ARAP2: variants seen among roughly 807,000 people sequenced by gnomAD.
ARAP2 encodes the protein ArfGAP with RhoGAP domain, ankyrin repeat and PH domain 2, also known as arf-GAP with Rho-GAP domain, ANK repeat and PH domain-containing protein 2.
ARAP2 carries 148 observed loss-of-function variants against 194.5 expected under a neutral mutation model. The ratio of observed to expected loss-of-function variants is 0.76; its 90% CI spans 0.67 to 0.87. The LOEUF (loss-of-function observed/expected upper bound fraction) is 0.87, where lower values mean the gene tolerates loss of function less well. ARAP2 is among the 40% of genes least tolerant of loss of function. ARAP2 has a pLI of 0.00. For synonymous variants in ARAP2, 695 were observed against 683.5 expected (o/e 1.02, Z -0.26); for missense variants, 2,128 against 1,989.7 (o/e 1.07, Z -1.32).
intron 6 of ARAP2, among the ~76,000 whole-genome samples, chr4:36,209,857 AG>A (rs1158482602): frequency 1.3e-5 from 2 of 152,208 alleles, no homozygotes; most frequent in Non-Finnish European, 2.9e-5. Context: ...ATAAATCCAA[AG>A]AAAAGTATAA....
chr4:36,239,779 C>T (rs1310496115), intron 1 of ARAP2, among the ~76,000 whole-genome samples: 1 of 151,972 alleles, frequency 6.6e-6, no homozygotes, highest in Non-Finnish European at 1.5e-5. Flanking sequence ...TTATTTTTAC[C>T]CAGTAAAAAA....
chr4:36,012,682 G>T (rs148781623), exon 9 of ARAP2: 1 of 152,178 alleles, frequency 6.6e-6, no homozygotes, highest in African/African-American at 2.4e-5. Flanking sequence ...CATTTCCAAA[G>T]GGCATACTTC....
In ARAP2 at chr4:36,228,666, A is replaced by C; in HGVS notation, c.821T>G (p.Leu274Trp). 6.2e-7 allele frequency: 1 copy of C among 1,614,054 alleles called. No homozygotes were observed. The highest frequency in any genetic ancestry group is 8.5e-7 in the Non-Finnish European group (1 of 1,179,958). Residue 274 changes from leucine to tryptophan, a missense_variant, in exon 2 of 33, where the codon TTG becomes TGG. By Grantham distance (61) the Leu-to-Trp change is moderately conservative. Transcript: ENST00000303965. ...AAAAGATCGAGATGGTCTTGAAACCAACTTGCTACGACTTCTCACAGGTGC... is the reference window on the plus strand; with the variant it reads ...AAAAGATCGAGATGGTCTTGAAACCCACTTGCTACGACTTCTCACAGGTGC... ...ILAPVRSRSKLVSRPSRSFLL... is the reference protein window; with the variant it reads ...ILAPVRSRSKWVSRPSRSFLL...
At position 36,095,700 on chromosome 4, in the gene ARAP2, TTGTATTTGTTTTTTATCA is replaced by T. The variant is rs900456414; in HGVS notation, c.4286-3698_4286-3681del. Among the ~76,000 whole-genome samples the T allele has an allele frequency of 9.1e-3, 1,380 of 152,266 alleles. 15 individuals carry two copies. Among genetic ancestry groups the T allele is most frequent in the African/African-American group, 0.031 (1,300 of 41,544 alleles). On this transcript the variant is annotated intron_variant, in intron 27 of 32. Transcript: ENST00000303965. Reference sequence around the variant, plus strand: ...AAAACATTTTGTGAGAACATCAAATTTGTATTTGTTTTTTATCATGCACAAATTTGTCAGTATATCTCC... The same window carrying T: ...AAAACATTTTGTGAGAACATCAAATTTGCACAAATTTGTCAGTATATCTCC...
intron 6 of ARAP2, among the ~76,000 whole-genome samples, chr4:36,206,569 C>G (rs544871535): frequency 6.6e-6 from 1 of 152,248 alleles, no homozygotes; most frequent in Admixed American, 6.5e-5. Context: ...CTGCTACCCT[C>G]TCCTTCCAGG....
intron 5 of ARAP2, among the ~76,000 whole-genome samples, chr4:36,045,149 A>G (rs969409824): frequency 2.0e-5 from 3 of 152,156 alleles, no homozygotes; most frequent in African/African-American, 7.2e-5. Flanking sequence ...TTAAAAAACT[A>G]TAAACAAAAC....
intron 8 of ARAP2, among the ~76,000 whole-genome samples, chr4:36,183,896 G>T (rs184366583): frequency 5.0e-4 from 76 of 152,248 alleles, no homozygotes; most frequent in African/African-American, 1.7e-3. Flanking sequence ...GGTCAGGGAA[G>T]ACAAAGAATA....
chr4:36,189,326 T>G (rs1329578111), intron 7 of ARAP2, among the ~76,000 whole-genome samples: 1 of 152,182 alleles, frequency 6.6e-6, no homozygotes, highest in Non-Finnish European at 1.5e-5. Context: ...TACATAGTGA[T>G]GTCGTGATAC....
intron 15 of ARAP2, among the ~76,000 whole-genome samples, chr4:36,153,777 G>T (rs1731582685): frequency 6.6e-6 from 1 of 152,190 alleles, no homozygotes. Context: ...GAAGCCAGGG[G>T]AAACTGTTTA....
At chr4:36,092,874 C>T (rs1264407575) in intron 27 of ARAP2, among the ~76,000 whole-genome samples, 1 of 152,028 alleles carries the variant, frequency 6.6e-6, no homozygotes, top group Non-Finnish European at 1.5e-5. Context: ...GACTCAAATC[C>T]ACAAATTTTT....
chr4:36,186,350 C>A (rs186310872), intron 8 of ARAP2, among the ~76,000 whole-genome samples: 20 of 152,172 alleles, frequency 1.3e-4, no homozygotes, highest in Non-Finnish European at 2.1e-4. Flanking sequence ...GAAAATATTT[C>A]TCTGTACACA....
chr4:36,213,613 A>C (rs1747255046), intron 3 of ARAP2, among the ~76,000 whole-genome samples: 1 of 152,096 alleles, frequency 6.6e-6, no homozygotes, highest in African/African-American at 2.4e-5. Context: ...ACATAACCAA[A>C]TACATTGCCC....
At chr4:36,182,406 C>T (rs867060975) in intron 8 of ARAP2, among the ~76,000 whole-genome samples, 1 of 151,962 alleles carries the variant, frequency 6.6e-6, no homozygotes, top group Admixed American at 6.6e-5. Flanking sequence ...GTAGGAGAAT[C>T]GCTTGCTTGA....
At position 36,030,775 on chromosome 4, in the gene ARAP2, A is replaced by C. The variant is rs1245135500; in HGVS notation, n.608-11489T>G. On this transcript the variant is annotated intron_variant and non_coding_transcript_variant, in intron 5 of 12. Coordinates refer to the ARAP2 transcript ENST00000503225. ...TTCAATTCTTTCTTATGATCAGTCA[A>C]CTCTTGTTTGACATTGTCTACGTTT... Among the ~76,000 whole-genome samples the C allele has an allele frequency of 2.1e-5, 3 of 145,210 alleles. No homozygotes were observed. In the South Asian group the frequency reaches 6.6e-4, roughly 32 times the overall value.
At chr4:36,162,649 TA>T (rs1258020359) in intron 11 of ARAP2, among the ~76,000 whole-genome samples, 4 of 146,958 alleles carry the variant, frequency 2.7e-5, no homozygotes, top group Non-Finnish European at 5.9e-5. Flanking sequence ...CACAAAGCCC[TA>T]AATTCCCCTG....
intron 2 of ARAP2, among the ~76,000 whole-genome samples, chr4:36,217,991 T>C (rs763635868): frequency 1.3e-5 from 2 of 151,656 alleles, no homozygotes; most frequent in African/African-American, 2.4e-5. Flanking sequence ...GATTCTAAAA[T>C]ACATGTGAAA....
Position 36,151,006 on chromosome 4 carries a change from A to C in ARAP2, c.2791T>G (p.Leu931Val), listed in dbSNP as rs1299376137. 1.2e-6 allele frequency: 2 copies of C among 1,610,864 alleles called. No individual in the cohort carries two copies. The highest frequency in any genetic ancestry group is 3.4e-5 in the Admixed American group (2 of 59,582). ...GACTTATCATTTTCATAGTAACTCA[A>C]GAAGCCTCCTTCCAAAACACACCAT... Reference protein sequence around the residue: ...KKWCVLEGGFLSYYENDKSTT... With the variant: ...KKWCVLEGGFVSYYENDKSTT... The change falls in exon 16 of 33, where the codon TTG becomes GTG. Residue 931 changes from leucine (L) to valine (V), a missense_variant. Physicochemically the swap from Leu to Val is conservative, Grantham distance 32 (BLOSUM62 1). Coordinates refer to ENST00000303965, the MANE Select transcript of ARAP2 (RefSeq NM_015230.4).
At chr4:36,052,176 A>G (rs1722777977) in intron 2 of ARAP2, 1 of 152,250 alleles carries the variant, frequency 6.6e-6, no homozygotes. Flanking sequence ...TGCGACATTT[A>G]TTAGGAAAAA....
At chr4:36,101,703 C>T (rs1328015359) in intron 27 of ARAP2, among the ~76,000 whole-genome samples, 1 of 151,900 alleles carries the variant, frequency 6.6e-6, no homozygotes, top group Non-Finnish European at 1.5e-5. Context: ...CAGGTTATAT[C>T]ATCTTATTGA....
Sources: gnomAD v4.1 joint callset for allele counts (sites outside exome capture counted in the v4.1 genomes callset) on GRCh38, gnomAD v4.1.1 for gene constraint, MANE v1.5 for transcripts, NCBI Gene and HGNC (gene_info 2026-07-23, HGNC 2026-07-21) for gene names.